STAT1: variants seen among roughly 807,000 people sequenced by gnomAD.
The protein encoded by STAT1 is signal transducer and activator of transcription 1, also known as signal transducer and activator of transcription 1-alpha/beta.
In STAT1, 24 loss-of-function variants were observed where a neutral mutation model predicts 111.7. That is an observed-to-expected ratio of 0.21 (90% CI 0.16 to 0.30). STAT1 has a LOEUF of 0.30. STAT1 is among the 10% of genes least tolerant of loss of function. STAT1 has a pLI of 1.00. For missense variants in STAT1, 351 were observed against 911.9 expected (o/e 0.38, Z 7.92); for synonymous variants, 332 against 326.5 (o/e 1.02, Z -0.18).
rs1213325947 is a variant in STAT1, at chr2:190,978,290, T to TAA, written c.1873+564_1873+565dup. ...GCTTCACCCTCAGAAACCTGCTTCA[T>TAA]AACACCAAGGTTTCTGGAGTCTTTT... is the stretch of plus-strand genomic sequence containing the variant. On this transcript the variant is annotated intron_variant, in intron 21 of 24. Coordinates refer to ENST00000361099, the MANE Select transcript of STAT1 (RefSeq NM_007315.4). This position sits in a 1 kb window ranked among gnomAD's most constrained non-coding sequence, Gnocchi z 6.1. Among the ~76,000 whole-genome samples, 1 of 152,232 alleles carries TAA rather than the reference T, an allele frequency of 6.6e-6. No homozygotes were observed. The highest frequency in any genetic ancestry group is 2.4e-5 in the African/African-American group (1 of 41,450).
Position 190,982,264 on chromosome 2 carries a change from G to T in STAT1, c.1582+119C>A. The T allele has an allele frequency of 8.4e-7, 1 of 1,184,930 alleles. No individual in the cohort carries two copies. Among genetic ancestry groups the T allele is most frequent in the Non-Finnish European group, 1.2e-6 (1 of 802,080 alleles). The allele number at this position is 1,184,930 out of a possible 1,614,324, so 73.4% of individuals were successfully genotyped here. On this transcript the variant is annotated intron_variant, in intron 18 of 24. Coordinates refer to ENST00000361099, the MANE Select transcript of STAT1 (RefSeq NM_007315.4). This position sits in a 1 kb window ranked among gnomAD's most constrained non-coding sequence, Gnocchi z 7.3. ...GCTATAATAAACTATAGCTTGAAAA[G>T]CTGACAGATTTTAGTACTTTTTTAC... is the stretch of plus-strand genomic sequence containing the variant.
chr2:191,013,037 T>C, intron 2 of STAT1, among the ~76,000 whole-genome samples: 1 of 151,710 alleles, frequency 6.6e-6, no homozygotes, highest in East Asian at 1.9e-4. Context: ...GGGGAGGGGG[T>C]AGAGTAGTGG....
intron 2 of STAT1, among the ~76,000 whole-genome samples, chr2:191,010,681 A>G (rs959886305): frequency 1.3e-5 from 2 of 152,184 alleles, no homozygotes; most frequent in African/African-American, 4.8e-5. Flanking sequence ...AAAATTCATT[A>G]TTTTTCTTAT....
At chr2:191,001,874 G>A (rs1037213762) in intron 5 of STAT1, among the ~76,000 whole-genome samples, 5 of 152,188 alleles carry the variant, frequency 3.3e-5, no homozygotes, top group Admixed American at 2.6e-4. Flanking sequence ...GGGTGTTAGA[G>A]TGGTAACCAG....
chr2:190,988,495 C>T (rs372948964), intron 12 of STAT1, among the ~76,000 whole-genome samples: 2 of 152,212 alleles, frequency 1.3e-5, no homozygotes, highest in Admixed American at 6.5e-5. Context: ...TCTCGTGCCT[C>T]GGCCTCCCAA....
chr2:190,999,473 T>C lies in STAT1; in HGVS notation c.541+153A>G, dbSNP rs1267341140. On this transcript the variant is annotated intron_variant, in intron 7 of 24. Coordinates refer to ENST00000361099, the MANE Select transcript of STAT1 (RefSeq NM_007315.4). The surrounding 1 kb of genome is among the most constrained non-coding windows in gnomAD (Gnocchi z 4.1). ...ACAAATTAGCCCGAAATGTCAATAA[T>C]ATTGGATGTTGAGAAGCCCTGGCCT... is the stretch of plus-strand genomic sequence containing the variant. Among the ~76,000 whole-genome samples the C allele has an allele frequency of 6.6e-6, 1 of 151,904 alleles. No individual in the cohort carries two copies. Among genetic ancestry groups the C allele is most frequent in the Non-Finnish European group, 1.5e-5 (1 of 68,006 alleles).
rs147246637 is a variant in STAT1, at chr2:191,013,164, A to G, written c.-2+361T>C. Among the ~76,000 whole-genome samples the G allele has an allele frequency of 1.7e-4, 26 of 152,368 alleles. 1 individual carries two copies. In the East Asian group the frequency reaches 5.0e-3, roughly 29 times the overall value. ...ATTTCAGACGGAATTAGAAAGTAAA[A>G]AGCAAACCATATTATGATCTCACAA... is the stretch of plus-strand genomic sequence containing the variant. On this transcript the variant is annotated intron_variant, in intron 2 of 24. Transcript: ENST00000361099.
rs35046975 is a variant in STAT1 at position 190,993,790 on chromosome 2, TA to T, written c.944+1270del. Among the ~76,000 whole-genome samples the T allele has an allele frequency of 0.053, 7,609 of 144,570 alleles. 244 individuals are homozygous for T. The highest frequency in any genetic ancestry group is 0.12 in the Middle Eastern group (35 of 282). 94.8% of individuals were successfully genotyped at this position (144,570 alleles called of 152,430 possible). On this transcript the variant is annotated intron_variant, in intron 10 of 24. Transcript: ENST00000361099. The surrounding 1 kb of genome is among the most constrained non-coding windows in gnomAD (Gnocchi z 4.1). ...CATTTTTATCATGTCAAGTTTGCAT[TA>T]AAAAAAAAAAAACTTGCAATATGAA...
rs1691427246 is a variant in STAT1, at chr2:190,971,101, C to T, written c.2239-384G>A. Among the ~76,000 whole-genome samples the T allele has an allele frequency of 6.6e-6, 1 of 152,196 alleles. No homozygotes were observed. Among genetic ancestry groups the T allele is most frequent in the Non-Finnish European group, 1.5e-5 (1 of 68,028 alleles). ...AGAGAGGAAGGAGAGGGAAATGATACACTTCCCCTAAAGGCCACTCAGTGG... is the reference window on the plus strand; with the variant it reads ...AGAGAGGAAGGAGAGGGAAATGATATACTTCCCCTAAAGGCCACTCAGTGG... On this transcript the variant is annotated intron_variant, in intron 24 of 24. Coordinates refer to ENST00000361099, the MANE Select transcript of STAT1 (RefSeq NM_007315.4). This position sits in a 1 kb window ranked among gnomAD's most constrained non-coding sequence, Gnocchi z 4.1.
In STAT1 at chr2:190,975,672, C is replaced by T. The variant is rs566136866; in HGVS notation, c.2135+140G>A. The T allele has an allele frequency of 6.6e-6, 10 of 1,509,802 alleles. No homozygotes were observed. The East Asian group carries it at 1.3e-4, about 19-fold the overall frequency. 93.5% of individuals were successfully genotyped at this position (1,509,802 alleles called of 1,614,324 possible). On this transcript the variant is annotated intron_variant, in intron 23 of 24. Transcript: ENST00000361099. The surrounding 1 kb of genome is among the most constrained non-coding windows in gnomAD (Gnocchi z 5.9). ...AGTAAAATGCTGATAGGCAGTAACACGGGGATCTCAACAAGTTCAGCTGTG... is the reference window on the plus strand; with the variant it reads ...AGTAAAATGCTGATAGGCAGTAACATGGGGATCTCAACAAGTTCAGCTGTG...
intron 4 of STAT1, 27 bp downstream of exon 4, chr2:191,008,936 A>G (rs1023846750): frequency 6.2e-7 from 1 of 1,611,932 alleles, no homozygotes. Context: ...AGAACATTTC[A>G]ACTAAAATAC....
At chr2:191,010,420 T>C in intron 2 of STAT1, 1 of 470,606 alleles carries the variant, frequency 2.1e-6, no homozygotes, top group South Asian at 1.6e-5. Flanking sequence ...GGATGGATGT[T>C]GGTGGAGGAT....
At chr2:190,992,076 T>G (rs1425937086) in intron 10 of STAT1, among the ~76,000 whole-genome samples, 1 of 152,240 alleles carries the variant, frequency 6.6e-6, no homozygotes, top group African/African-American at 2.4e-5. Context: ...ATATCTTCAG[T>G]TGTTTTGTTA....
chr2:191,008,859 C>T (rs898268133), intron 4 of STAT1, 104 bp downstream of exon 4: 2 of 1,275,116 alleles, frequency 1.6e-6, no homozygotes, highest in Non-Finnish European at 1.1e-6. Flanking sequence ...TATTACTTCT[C>T]TAAATACCAA....
rs769165429 is a variant in STAT1, at chr2:191,008,951, A to G, written c.273+12T>C. The G allele has an allele frequency of 1.2e-6, 2 of 1,613,180 alleles. No homozygotes were observed. The highest frequency in any genetic ancestry group is 1.7e-6 in the Non-Finnish European group (2 of 1,179,506). On this transcript the variant is annotated intron_variant, in intron 4 of 24. Coordinates refer to ENST00000361099, the MANE Select transcript of STAT1 (RefSeq NM_007315.4). ...AGAACATTTCAACTAAAATACAAAA[A>G]CCAGGTCATACCTGAAGATTACGCT... is the stretch of plus-strand genomic sequence containing the variant.
At position 191,013,520 on chromosome 2, in the gene STAT1, C is replaced by G. The variant is rs1040710817; in HGVS notation, c.-2+5G>C. 5.0e-6 allele frequency: 2 copies of G among 397,926 alleles called. No individual in the cohort carries two copies. The highest frequency in any genetic ancestry group is 8.8e-5 in the Admixed American group (2 of 22,710). 24.6% of individuals were successfully genotyped at this position (397,926 alleles called of 1,614,324 possible). A position where few individuals can be genotyped will look rare whatever the true frequency, so the allele number is the denominator to read the frequency against. On this transcript the variant is annotated splice_donor_5th_base_variant and intron_variant, in intron 2 of 24. Coordinates refer to ENST00000361099, the MANE Select transcript of STAT1 (RefSeq NM_007315.4). ...ATTCATCTGATTCCATGAACATTTACTGACCTGCCACCTTGTGCCCCAACA... is the reference window on the plus strand; with the variant it reads ...ATTCATCTGATTCCATGAACATTTAGTGACCTGCCACCTTGTGCCCCAACA...
chr2:190,999,977 T>C lies in STAT1; in HGVS notation c.463-273A>G, dbSNP rs1694145879. ...CTGGTTCCAGCGCCTAAATTTTGAT[T>C]CTTCCTCATCATTTTTGAGACTACC... On this transcript the variant is annotated intron_variant, in intron 6 of 24. Transcript: ENST00000361099. This position sits in a 1 kb window ranked among gnomAD's most constrained non-coding sequence, Gnocchi z 4.1. Among the ~76,000 whole-genome samples, 1 of 152,208 alleles carries C rather than the reference T, an allele frequency of 6.6e-6. No homozygotes were observed. The highest frequency in any genetic ancestry group is 2.4e-5 in the African/African-American group (1 of 41,452).
chr2:190,969,758 A>G lies in STAT1; in HGVS notation c.*945T>C, dbSNP rs1691313660. The G allele has an allele frequency of 6.6e-6, 1 of 152,150 alleles. No homozygotes were observed. The highest frequency in any genetic ancestry group is 1.5e-5 in the Non-Finnish European group (1 of 68,006). 9.4% of individuals were successfully genotyped at this position (152,150 alleles called of 1,614,324 possible). A position where few individuals can be genotyped will look rare whatever the true frequency, so the allele number is the denominator to read the frequency against. The stretch of plus-strand genomic sequence containing the variant: ...TACTGCTTTTTCTACTCCTTTCCCA[A>G]TTTTGTGGCTAATAGACTAAATACC... On this transcript the variant is annotated 3_prime_UTR_variant, in exon 25 of 25. Transcript: ENST00000361099.
In STAT1 at chr2:191,009,866, T is replaced by C; in HGVS notation, c.128+10A>G. ...TAAACTTCTTCTTCTGTCTAGTGAA[T>C]TTTCCTTACCAGTCTTGCTTTTCTA... On this transcript the variant is annotated intron_variant, in intron 3 of 24. Coordinates refer to ENST00000361099, the MANE Select transcript of STAT1 (RefSeq NM_007315.4). 6.2e-7 allele frequency: 1 copy of C among 1,613,768 alleles called. No individual in the cohort carries two copies. The highest frequency in any genetic ancestry group is 8.5e-7 in the Non-Finnish European group (1 of 1,179,740).
Sources: gnomAD v4.1 joint callset for allele counts (sites outside exome capture counted in the v4.1 genomes callset) on GRCh38, gnomAD v4.1.1 for gene constraint, Gnocchi (gnomAD v3.1) non-coding constraint, MANE v1.5 for transcripts, NCBI Gene and HGNC (gene_info 2026-07-23, HGNC 2026-07-21) for gene names.